BABAM2: variants seen among roughly 807,000 people sequenced by gnomAD.
BABAM2 encodes the protein BRISC and BRCA1 A complex member 2, also known as BRISC and BRCA1-A complex member 2.
A neutral mutation model predicts 54.7 loss-of-function variants in BABAM2; 31 were observed. The observed-to-expected ratio is 0.57, with a 90% CI of 0.43 to 0.77. The LOEUF (loss-of-function observed/expected upper bound fraction) is 0.77, where lower values mean the gene tolerates loss of function less well. Ranked by LOEUF, BABAM2 falls within the 30% of genes least tolerant of loss-of-function variation. The pLI, the probability that BABAM2 is intolerant of heterozygous loss-of-function variation, is 0.00. For missense variants in BABAM2, 364 were observed against 455.8 expected, an observed-to-expected ratio of 0.80 and a Z score of 1.83; for synonymous variants, 167 against 162.9, an observed-to-expected ratio of 1.03 and a Z score of -0.19.
intron 10 of BABAM2, among the ~76,000 whole-genome samples, chr2:28,283,019 G>GGAAAAAAAGTATTTATTA (rs150560114): frequency 5.1e-5 from 6 of 116,916 alleles, no homozygotes; most frequent in Non-Finnish European, 8.6e-5. Flanking sequence ...AAAAAAAAAA[G>GGAAAAAAAGTATTTATTA]GAATGAAAAC....
chr2:28,278,278 A>G (rs1686047554), intron 10 of BABAM2, among the ~76,000 whole-genome samples: 1 of 152,196 alleles, frequency 6.6e-6, no homozygotes, highest in Non-Finnish European at 1.5e-5. Flanking sequence ...AGAGGGGAGG[A>G]TGAATTCAAG....
intron 7 of BABAM2, among the ~76,000 whole-genome samples, chr2:28,177,687 T>C (rs1675153965): frequency 6.7e-6 from 1 of 148,970 alleles, no homozygotes; most frequent in African/African-American, 2.5e-5. Context: ...ACTGAAAAGA[T>C]ACAGACTGGC....
chr2:28,181,436 T>C (rs1164543694), intron 7 of BABAM2, among the ~76,000 whole-genome samples: 4 of 152,026 alleles, frequency 2.6e-5, no homozygotes, highest in Admixed American at 6.5e-5. Flanking sequence ...CTCATGGAGG[T>C]AGAGAGTAGA....
At chr2:28,202,810 G>A (rs1678420493) in intron 7 of BABAM2, among the ~76,000 whole-genome samples, 2 of 152,178 alleles carry the variant, frequency 1.3e-5, no homozygotes, top group Non-Finnish European at 2.9e-5. Context: ...TCAACAGGTA[G>A]TACAATGTAA....
At chr2:28,241,429 T>C in intron 9 of BABAM2, 36 bp downstream of exon 9, 1 of 1,582,522 alleles carries the variant, frequency 6.3e-7, no homozygotes, top group Non-Finnish European at 8.7e-7. Context: ...ATACCGGTGA[T>C]GCCCTCGCTT....
rs1337924749 is a variant in BABAM2 at position 28,025,206 on chromosome 2, A to G, written c.301-20A>G. ...AAATTTCAGTTTTAACTGGTCTTTT[A>G]TTTGTTACGACTTCTACAGAATCTT... On this transcript the variant is annotated intron_variant, in intron 4 of 11. Coordinates refer to ENST00000379624, the MANE Select transcript of BABAM2 (RefSeq NM_199191.3). The G allele has an allele frequency of 6.4e-7, 1 of 1,560,934 alleles. No homozygotes were observed. Among genetic ancestry groups the G allele is most frequent in the Non-Finnish European group, 8.6e-7 (1 of 1,159,074 alleles).
intron 6 of BABAM2, among the ~76,000 whole-genome samples, chr2:28,059,601 A>G (rs1284103804): frequency 6.6e-6 from 1 of 152,222 alleles, no homozygotes; most frequent in African/African-American, 2.4e-5. Flanking sequence ...CCAGCAACTC[A>G]CAAGTATGGT....
intron 6 of BABAM2, among the ~76,000 whole-genome samples, chr2:28,099,260 G>C (rs982803541): frequency 3.3e-5 from 5 of 152,074 alleles, no homozygotes; most frequent in African/African-American, 1.2e-4. Flanking sequence ...CTTCCCTTGA[G>C]CCATGGCTGT....
intron 11 of BABAM2, among the ~76,000 whole-genome samples, chr2:28,324,324 A>G (rs1178201024): frequency 6.6e-6 from 1 of 152,208 alleles, no homozygotes; most frequent in Non-Finnish European, 1.5e-5. Flanking sequence ...TCACCACGAT[A>G]TAGCAGAGCC....
At chr2:28,276,310 A>G (rs1685875589) in intron 10 of BABAM2, among the ~76,000 whole-genome samples, 1 of 152,134 alleles carries the variant, frequency 6.6e-6, no homozygotes, top group Admixed American at 6.5e-5. Context: ...TACAGATGTG[A>G]GTCATCCACT....
chr2:28,212,736 TA>T (rs1679582257), intron 7 of BABAM2, among the ~76,000 whole-genome samples: 1 of 152,176 alleles, frequency 6.6e-6, no homozygotes, highest in African/African-American at 2.4e-5. Flanking sequence ...TGTAAAATAG[TA>T]GAGATTTTTA....
intron 6 of BABAM2, among the ~76,000 whole-genome samples, chr2:28,113,681 G>T (rs867451562): frequency 6.6e-6 from 1 of 152,114 alleles, no homozygotes; most frequent in African/African-American, 2.4e-5. Context: ...TTCTAATTCT[G>T]TGAAGAAAGT....
At chr2:28,305,309 T>C (rs1470227791) in intron 11 of BABAM2, among the ~76,000 whole-genome samples, 1 of 152,192 alleles carries the variant, frequency 6.6e-6, no homozygotes, top group African/African-American at 2.4e-5. Context: ...CATAATCATG[T>C]GGTTTTTCTT....
rs187137188 is a variant in BABAM2, at chr2:28,191,834, A to G, written c.681-45368A>G. On this transcript the variant is annotated intron_variant, in intron 7 of 11. Transcript: ENST00000379624. ...GACGCTATATACGTCCATTTTCCTT[A>G]TTGTGGTTTCTCAGGTGTCAAAAGT... 4.6e-5 allele frequency among the ~76,000 whole-genome samples: 7 copies of G among 152,256 alleles called. No individual in the cohort carries two copies. In the East Asian group the frequency reaches 1.3e-3, roughly 29 times the overall value.
intron 3 of BABAM2, among the ~76,000 whole-genome samples, chr2:27,978,699 G>A (rs1044547386): frequency 2.6e-5 from 4 of 152,122 alleles, no homozygotes; most frequent in Non-Finnish European, 5.9e-5. Flanking sequence ...TGGGTAAATT[G>A]CATATCACTG....
chr2:28,008,049 A>G (rs943707237), intron 4 of BABAM2, among the ~76,000 whole-genome samples: 2 of 152,158 alleles, frequency 1.3e-5, no homozygotes, highest in South Asian at 2.1e-4. Context: ...TGAATAACCC[A>G]TAATGTCTAA....
chr2:28,243,463 C>T (rs1386866828), intron 9 of BABAM2, among the ~76,000 whole-genome samples: 3 of 151,756 alleles, frequency 2.0e-5, no homozygotes, highest in Non-Finnish European at 4.4e-5. Flanking sequence ...ACCCGGGAGG[C>T]GGAGGTTGCA....
chr2:28,133,121 A>C (rs889076545), intron 7 of BABAM2, among the ~76,000 whole-genome samples: 1 of 152,256 alleles, frequency 6.6e-6, no homozygotes, highest in Non-Finnish European at 1.5e-5. Context: ...ACATAAAAGA[A>C]GTAAACTTGG....
At chr2:28,058,677 C>T (rs1334463221) in intron 6 of BABAM2, among the ~76,000 whole-genome samples, 2 of 151,920 alleles carry the variant, frequency 1.3e-5, no homozygotes, top group Non-Finnish European at 2.9e-5. Context: ...ACCTTCTAGC[C>T]GGTGCTACCC....
Sources: gnomAD v4.1 joint callset for allele counts (sites outside exome capture counted in the v4.1 genomes callset) on GRCh38, gnomAD v4.1.1 for gene constraint, MANE v1.5 for transcripts, NCBI Gene and HGNC (gene_info 2026-07-23, HGNC 2026-07-21) for gene names.